The following GAPDHS variants were observed in gnomAD, a reference collection of about 807,000 sequenced individuals.
GAPDHS encodes the protein glyceraldehyde-3-phosphate dehydrogenase, testis-specific.
Under a neutral mutation model 48.7 loss-of-function variants are expected in GAPDHS, and 42 were observed. The observed-to-expected ratio is 0.86, with a 90% confidence interval of 0.67 to 1.12. The LOEUF (loss-of-function observed/expected upper bound fraction) is 1.12, where lower values mean the gene tolerates loss of function less well. GAPDHS is among the 50% of genes most tolerant of loss of function. The pLI is 0.00. For missense variants in GAPDHS, 512 were observed against 557.7 expected, an observed-to-expected ratio of 0.92 and a Z score of 0.82; for synonymous variants, 166 against 219.1, an observed-to-expected ratio of 0.76 and a Z score of 2.14.
chr19:35,538,425 G>A (rs1356572857), intron 3 of GAPDHS, 22 bp downstream of exon 3: 1 of 1,436,476 alleles, frequency 7.0e-7, no homozygotes, highest in East Asian at 2.3e-5. Flanking sequence ...GCAGAGGGCA[G>A]GAACAGCAGG....
In GAPDHS at chr19:35,542,538, C is replaced by T. The variant is rs1242262626; in HGVS notation, c.589C>T (p.Pro197Ser). Residue 197 changes from proline (P) to serine (S), a missense_variant, in exon 6 of 11, where the codon CCG (proline) becomes TCG (serine). By Grantham distance (74) the Pro-to-Ser change is moderately conservative (BLOSUM62 -1). Coordinates refer to ENST00000222286, the MANE Select transcript of GAPDHS (RefSeq NM_014364.5). ...AQRVVISAPS[P>S]DAPMFVMGVN... Reference sequence around the variant, plus strand: ...ACGTGTGGTCATCTCCGCGCCCTCACCGGATGCACCAATGTTCGTCATGGG... The same window carrying T: ...ACGTGTGGTCATCTCCGCGCCCTCATCGGATGCACCAATGTTCGTCATGGG... 1.2e-6 allele frequency: 2 copies of T among 1,613,980 alleles called. No individual in the cohort carries two copies. Among genetic ancestry groups the T allele is most frequent in the East Asian group, 2.2e-5 (1 of 44,892 alleles).
At position 35,543,393 on chromosome 19, in the gene GAPDHS, G is replaced by A; in HGVS notation, c.795G>A (p.Arg265=). Residue 265 remains arginine, a synonymous_variant, in exon 8 of 11, where the codon AGG becomes AGA. Coordinates refer to ENST00000222286, the MANE Select transcript of GAPDHS (RefSeq NM_014364.5). The part of the protein sequence containing the change: ...ATQKTVDGPS[R]KAWRDGRGAH... ...AGAAGACAGTGGACGGGCCATCAAG[G>A]AAGGCCTGGCGAGATGGGCGGGGTG... 1 of 1,612,514 alleles carries A rather than the reference G, an allele frequency of 6.2e-7. No homozygotes were observed. The highest frequency in any genetic ancestry group is 8.5e-7 in the Non-Finnish European group (1 of 1,179,488).
At chr19:35,542,210 G>A (rs2071508277) in intron 4 of GAPDHS, 109 bp from the exon 5 acceptor site, 2 of 732,122 alleles carry the variant, frequency 2.7e-6, no homozygotes, top group Non-Finnish European at 4.9e-6. Context: ...GACGCAGGTG[G>A]TTGCAGGTGG....
At chr19:35,543,115 G>T (rs1268127263) in intron 7 of GAPDHS, 89 bp downstream of exon 7, 1 of 1,125,062 alleles carries the variant, frequency 8.9e-7, no homozygotes, top group East Asian at 2.4e-5. Flanking sequence ...GAGTTAAGAG[G>T]GAGAGACTGG....
chr19:35,543,018 G>A lies in GAPDHS; in HGVS notation c.733G>A (p.Gly245Arg), dbSNP rs771038231. 2 of 1,612,110 alleles carry A rather than the reference G, an allele frequency of 1.2e-6. No homozygotes were observed. The highest frequency in any genetic ancestry group is 2.2e-5 in the South Asian group (2 of 91,044). ...CCACGAGCGATTTGGGATCGTGGAA[G>A]GGTTGATGGTGAGTTGAGGATGAGG... The part of the protein sequence containing the change: ...VIHERFGIVE[G>R]LMTTVHSYTA... The change falls in exon 7 of 11, where the codon GGG (glycine) becomes AGG (arginine). Residue 245 changes from glycine to arginine, a missense_variant. Transcript: ENST00000222286.
rs45513793 is a variant in GAPDHS at position 35,542,531 on chromosome 19, G to A, written c.582G>A (p.Ala194=). ...SAGAQRVVIS[A]PSPDAPMFVM... Reference sequence around the variant, plus strand: ...GTGCTCAACGTGTGGTCATCTCCGCGCCCTCACCGGATGCACCAATGTTCG... The same window carrying A: ...GTGCTCAACGTGTGGTCATCTCCGCACCCTCACCGGATGCACCAATGTTCG... Residue 194 remains alanine, a synonymous_variant, in exon 6 of 11, where the codon GCG becomes GCA. Coordinates refer to ENST00000222286, the MANE Select transcript of GAPDHS (RefSeq NM_014364.5). The A allele has an allele frequency of 9.0e-3, 14,485 of 1,613,910 alleles. 67 individuals carry two copies. The highest frequency in any genetic ancestry group is 0.011 in the Non-Finnish European group (12,465 of 1,179,848).
intron 1 of GAPDHS, 103 bp downstream of exon 1, chr19:35,533,697 T>A: frequency 1.2e-6 from 1 of 869,168 alleles, no homozygotes; most frequent in Non-Finnish European, 1.8e-6. Context: ...TCCTGGCGTG[T>A]GCACCATCTA....
At chr19:35,544,276 T>G in intron 9 of GAPDHS, 1 of 167,108 alleles carries the variant, frequency 6.0e-6, no homozygotes, top group Non-Finnish European at 1.3e-5. Flanking sequence ...TTTTTTTCAA[T>G]ACTTGCTCAG....
At chr19:35,535,439 G>A (rs1399753275) in intron 1 of GAPDHS, among the ~76,000 whole-genome samples, 1 of 152,052 alleles carries the variant, frequency 6.6e-6, no homozygotes, top group Non-Finnish European at 1.5e-5. Context: ...AGGCTGGAGT[G>A]CAGTGGCACG....
At position 35,543,713 on chromosome 19, in the gene GAPDHS, C is replaced by T. The variant is rs765374496; in HGVS notation, c.942C>T (p.Val314=). 4.3e-6 allele frequency: 7 copies of T among 1,613,922 alleles called. No homozygotes were observed. The highest frequency in any genetic ancestry group is 3.3e-5 in the Admixed American group (2 of 60,008). Residue 314 remains valine (V), a synonymous_variant, in exon 9 of 11, where the codon GTC becomes GTT. Transcript: ENST00000222286. The part of the protein sequence containing the change: ...AFRVPTPDVS[V]VDLTCRLAQP... ...GGGTACCAACCCCGGATGTGTCTGT[C>T]GTGGACCTGACCTGCCGCCTCGCCC...
intron 2 of GAPDHS, 107 bp from the exon 3 acceptor site, chr19:35,538,200 T>C: frequency 2.8e-6 from 2 of 723,478 alleles, no homozygotes; most frequent in Admixed American, 4.6e-5. Flanking sequence ...AGCACAGAGG[T>C]TGTTGCCTTC....
chr19:35,542,630 T>C (rs1304939241), intron 6 of GAPDHS, 22 bp downstream of exon 6: 1 of 1,478,332 alleles, frequency 6.8e-7, no homozygotes, highest in Admixed American at 1.7e-5. Flanking sequence ...AGTGACATCC[T>C]GCAATGTGTG....
intron 2 of GAPDHS, among the ~76,000 whole-genome samples, chr19:35,538,104 T>A (rs1440877062): frequency 1.3e-5 from 2 of 151,856 alleles, no homozygotes; most frequent in African/African-American, 4.8e-5. Context: ...TATGTATATA[T>A]GGGTTAGGGA....
chr19:35,543,830 AG>A lies in GAPDHS; in HGVS notation c.1056+7del, dbSNP rs1482463702. On this transcript the variant is annotated splice_donor_region_variant and intron_variant, in intron 9 of 10. Coordinates refer to ENST00000222286, the MANE Select transcript of GAPDHS (RefSeq NM_014364.5). ...TCCTTGCCTACACCGAGGATGAGGT[AG>A]GGGCTGAGGAGAGGAGACCCTGGGA... The A allele has an allele frequency of 6.2e-7, 1 of 1,604,402 alleles. No individual in the cohort carries two copies. The highest frequency in any genetic ancestry group is 1.7e-5 in the Admixed American group (1 of 58,458).
chr19:35,533,461 T>G lies in GAPDHS; in HGVS notation c.-67T>G. The stretch of plus-strand genomic sequence containing the variant: ...GCAATTAGCCCAGGACCCACAGCCC[T>G]GGCGCTCCGCACGCACCTCGGTAAC... On this transcript the variant is annotated 5_prime_UTR_variant, in exon 1 of 11. Transcript: ENST00000222286. The G allele has an allele frequency of 2.1e-6, 3 of 1,416,978 alleles. No homozygotes were observed. In the Middle Eastern group the frequency reaches 5.3e-4, roughly 249 times the overall value. The allele number at this position is 1,416,978 out of a possible 1,614,324, so 87.8% of individuals were successfully genotyped here.
In GAPDHS at chr19:35,545,073, G is replaced by T. The variant is rs118106251; in HGVS notation, c.1155-25G>T. 1.9e-5 allele frequency: 31 copies of T among 1,611,994 alleles called. No individual in the cohort carries two copies. The East Asian group carries it at 6.7e-4, about 35-fold the overall frequency. On this transcript the variant is annotated intron_variant, in intron 10 of 10. Coordinates refer to ENST00000222286, the MANE Select transcript of GAPDHS (RefSeq NM_014364.5). ...AGGGGTGGTCGGAAGGAACCCCCTT[G>T]AACCTCCCGACCCCTCCTCCACAGG...
Position 35,545,272 on chromosome 19 carries a change from G to C in GAPDHS, c.*102G>C. 2.2e-6 allele frequency: 2 copies of C among 923,606 alleles called. No individual in the cohort carries two copies. Among genetic ancestry groups the C allele is most frequent in the Non-Finnish European group, 3.6e-6 (2 of 559,402 alleles). The allele number at this position is 923,606 out of a possible 1,614,324, so 57.2% of individuals were successfully genotyped here. On this transcript the variant is annotated 3_prime_UTR_variant, in exon 11 of 11. Coordinates refer to ENST00000222286, the MANE Select transcript of GAPDHS (RefSeq NM_014364.5). Reference sequence around the variant, plus strand: ...GGGGGAGGAAGGACACCCGGGGCGGGCGCCCCACGCCGATGGGTCCATGGT... The same window carrying C: ...GGGGGAGGAAGGACACCCGGGGCGGCCGCCCCACGCCGATGGGTCCATGGT...
chr19:35,537,701 G>C (rs944955601), intron 2 of GAPDHS, among the ~76,000 whole-genome samples: 1 of 152,020 alleles, frequency 6.6e-6, no homozygotes. Context: ...GCAACATAGC[G>C]AGACTCTGTC....
intron 2 of GAPDHS, among the ~76,000 whole-genome samples, chr19:35,537,685 G>T (rs1266532140): frequency 1.3e-5 from 2 of 152,060 alleles, no homozygotes; most frequent in Non-Finnish European, 2.9e-5. Context: ...TTTGAGACCA[G>T]CGTGGGCAAC....
Sources: allele counts gnomAD v4.1 joint callset (sites outside exome capture counted in the v4.1 genomes callset), GRCh38; gene constraint gnomAD v4.1.1; transcripts MANE v1.5; gene names NCBI Gene and HGNC (gene_info 2026-07-23, HGNC 2026-07-21).